The following TMEM132C variants were observed in gnomAD, a reference collection of about 807,000 sequenced individuals.
TMEM132C encodes the protein protein phosphatase 1, regulatory subunit 152.
Under a neutral mutation model 61.4 loss-of-function variants are expected in TMEM132C, and 29 were observed. The observed-to-expected ratio is 0.47, with a 90% CI of 0.35 to 0.64. The LOEUF (loss-of-function observed/expected upper bound fraction) is 0.64. Ranked by LOEUF, TMEM132C falls within the 30% of genes least tolerant of loss-of-function variation. The pLI is 0.00. For synonymous variants in TMEM132C, 656 were observed against 633.1 expected, an observed-to-expected ratio of 1.04 and a Z score of -0.54; for missense variants, 1,408 against 1,476.9, an observed-to-expected ratio of 0.95 and a Z score of 0.76.
intron 3 of TMEM132C, among the ~76,000 whole-genome samples, chr12:128,598,313 G>A (rs140906521): frequency 6.6e-6 from 1 of 152,294 alleles, no homozygotes; most frequent in African/African-American, 2.4e-5. Context: ...GCACACACCT[G>A]TAATCCCAGC....
Position 128,415,186 on chromosome 12 carries a change from G to A in TMEM132C, c.540G>A (p.Glu180=), listed in dbSNP as rs1277026155. The A allele has an allele frequency of 1.9e-6, 3 of 1,611,044 alleles. No homozygotes were observed. The highest frequency in any genetic ancestry group is 2.5e-6 in the Non-Finnish European group (3 of 1,178,580). Residue 180 remains glutamate, a synonymous_variant, in exon 2 of 9, where the codon GAG becomes GAA. Coordinates refer to ENST00000435159, the MANE Select transcript of TMEM132C (RefSeq NM_001136103.3). This position sits in a 1 kb window ranked among gnomAD's most constrained non-coding sequence, Gnocchi z 5.8. ...LRVFAFRETR[E]VRGSCRLKGD... is the part of the protein sequence containing the mutation. ...TCTTTGCTTTCCGAGAAACCAGAGA[G>A]GTGCGGGGCAGCTGCCGGCTGAAGG...
At chr12:128,324,534 C>T (rs1872442217) in intron 1 of TMEM132C, among the ~76,000 whole-genome samples, 1 of 152,130 alleles carries the variant, frequency 6.6e-6, no homozygotes, top group Admixed American at 6.6e-5. Context: ...TAAAACCAGT[C>T]GGTTTTTACA....
chr12:128,372,131 C>A lies in TMEM132C; in HGVS notation c.86-42601C>A, dbSNP rs925655329. ...CTCAATTGCTGGCTGCCATCTTGCC[C>A]CCATGAAGGGAGGTCCTGTCTGAGA... On this transcript the variant is annotated intron_variant, in intron 1 of 8. Transcript: ENST00000435159. Among the ~76,000 whole-genome samples the A allele has an allele frequency of 5.3e-5, 8 of 152,200 alleles. No individual in the cohort carries two copies. In the South Asian group the frequency reaches 1.7e-3, roughly 32 times the overall value.
chr12:128,593,058 TCTTTCTTTC>T (rs149555916), intron 3 of TMEM132C, among the ~76,000 whole-genome samples: 25,215 of 151,338 alleles, frequency 0.17, 3,048 homozygotes, highest in East Asian at 0.52. Flanking sequence ...CTCTGTCTTC[TCTTTCTTTC>T]CTTTCTCATC....
At chr12:128,495,138 T>C (rs1871896698) in intron 2 of TMEM132C, among the ~76,000 whole-genome samples, 1 of 150,816 alleles carries the variant, frequency 6.6e-6, no homozygotes, top group South Asian at 2.1e-4. Context: ...TCAGTTTCCA[T>C]GTAGTTGAGT....
chr12:128,603,696 A>G (rs1290987952), intron 3 of TMEM132C, among the ~76,000 whole-genome samples: 6 of 152,164 alleles, frequency 3.9e-5, no homozygotes, highest in Non-Finnish European at 8.8e-5. Context: ...TCTGAGGGCA[A>G]CAGCAGCCTC....
chr12:128,303,461 A>G (rs1871663068), intron 1 of TMEM132C, among the ~76,000 whole-genome samples: 1 of 152,152 alleles, frequency 6.6e-6, no homozygotes, highest in Non-Finnish European at 1.5e-5. Context: ...AATGATTTTA[A>G]TTTACTGTTT....
intron 2 of TMEM132C, among the ~76,000 whole-genome samples, chr12:128,438,591 C>T (rs1484946216): frequency 6.6e-6 from 1 of 152,052 alleles, no homozygotes; most frequent in Non-Finnish European, 1.5e-5. Flanking sequence ...CTAAGAACAC[C>T]CACTTTTAAA....
intron 4 of TMEM132C, among the ~76,000 whole-genome samples, chr12:128,618,952 T>C (rs1033511127): frequency 6.6e-6 from 1 of 152,210 alleles, no homozygotes; most frequent in Non-Finnish European, 1.5e-5. Context: ...TGAGGCAATT[T>C]AGAGGGACTT....
intron 1 of TMEM132C, among the ~76,000 whole-genome samples, chr12:128,351,293 A>G (rs527276253): frequency 8.2e-4 from 125 of 152,250 alleles, no homozygotes; most frequent in African/African-American, 2.9e-3. Flanking sequence ...CTGAGAAGGG[A>G]CATAGAAAGG....
intron 2 of TMEM132C, among the ~76,000 whole-genome samples, chr12:128,508,092 G>A (rs1872438174): frequency 6.6e-6 from 1 of 152,144 alleles, no homozygotes; most frequent in Non-Finnish European, 1.5e-5. Flanking sequence ...GGCTGATGAA[G>A]ACATACCTGA....
At chr12:128,618,595 T>C (rs1565993332) in intron 4 of TMEM132C, among the ~76,000 whole-genome samples, 2 of 152,076 alleles carry the variant, frequency 1.3e-5, no homozygotes, top group Admixed American at 1.3e-4. Context: ...TGGGAGAAAA[T>C]TGAATCATGG....
At chr12:128,307,636 A>G (rs560905610) in intron 1 of TMEM132C, among the ~76,000 whole-genome samples, 28 of 152,326 alleles carry the variant, frequency 1.8e-4, no homozygotes, top group Admixed American at 3.3e-4. Flanking sequence ...CTCGATGTCT[A>G]TTAATAATTA....
chr12:128,677,080 G>A (rs11608979), intron 5 of TMEM132C, among the ~76,000 whole-genome samples: 58,292 of 152,130 alleles, frequency 0.38, 11,549 homozygotes, highest in Non-Finnish European at 0.43. Flanking sequence ...ATGGACAAGC[G>A]CTTGCAATGC....
chr12:128,674,661 G>A (rs1032022464), intron 5 of TMEM132C, among the ~76,000 whole-genome samples: 1 of 152,128 alleles, frequency 6.6e-6, no homozygotes, highest in African/African-American at 2.4e-5. Context: ...CAACACTGTG[G>A]GGTGCCCTTT....
rs548033349 is a variant in TMEM132C at position 128,570,739 on chromosome 12, G to A, written c.1121+26636G>A. ...CAGGCATCTTATTGTGTTCCAGGTA[G>A]AGCAAATGGAGGAAGATGTATGGCT... On this transcript the variant is annotated intron_variant, in intron 3 of 8. Coordinates refer to ENST00000435159, the MANE Select transcript of TMEM132C (RefSeq NM_001136103.3). The surrounding 1 kb of genome is among the most constrained non-coding windows in gnomAD (Gnocchi z 4.7). Among the ~76,000 whole-genome samples, 6 of 152,198 alleles carry A rather than the reference G, an allele frequency of 3.9e-5. No individual in the cohort carries two copies. The highest frequency in any genetic ancestry group is 8.8e-5 in the Non-Finnish European group (6 of 68,038).
intron 2 of TMEM132C, among the ~76,000 whole-genome samples, chr12:128,432,476 C>T (rs968837678): frequency 6.6e-6 from 1 of 152,094 alleles, no homozygotes; most frequent in Non-Finnish European, 1.5e-5. Context: ...TTTTAGAAGA[C>T]GTTTGTCCCA....
Position 128,487,425 on chromosome 12 carries a change from G to C in TMEM132C, c.975-56532G>C, listed in dbSNP as rs151128698. ...AACTGCCCCAAAATGAGCTACTTTGGTCTCTCTCTGGCCTTCAGTATAGTC... is the reference window on the plus strand; with the variant it reads ...AACTGCCCCAAAATGAGCTACTTTGCTCTCTCTCTGGCCTTCAGTATAGTC... On this transcript the variant is annotated intron_variant, in intron 2 of 8. Transcript: ENST00000435159. Among the ~76,000 whole-genome samples the C allele has an allele frequency of 7.2e-4, 109 of 152,048 alleles. 3 individuals are homozygous for C. The highest frequency in any genetic ancestry group is 2.3e-3 in the African/African-American group (97 of 41,408).
At chr12:128,529,418 T>C (rs1007321111) in intron 2 of TMEM132C, among the ~76,000 whole-genome samples, 1 of 152,148 alleles carries the variant, frequency 6.6e-6, no homozygotes, top group Admixed American at 6.5e-5. Context: ...ATAAGACAAG[T>C]GACTTAGTAT....
Sources: allele counts gnomAD v4.1 joint callset (sites outside exome capture counted in the v4.1 genomes callset), GRCh38; gene constraint gnomAD v4.1.1; non-coding constraint Gnocchi (gnomAD v3.1); transcripts MANE v1.5; gene names NCBI Gene and HGNC (gene_info 2026-07-23, HGNC 2026-07-21).